The following CCDC192 variants were observed in gnomAD, a reference collection of about 807,000 sequenced individuals.
The protein encoded by CCDC192 is coiled-coil domain-containing protein 192.
At chr5:127,789,614 T>C (rs558008986) in intron 3 of CCDC192, among the ~76,000 whole-genome samples, 1 of 152,342 alleles carries the variant, frequency 6.6e-6, no homozygotes, top group South Asian at 2.1e-4. Context: ...GAGATTGGTA[T>C]GGGTGTGAAA....
At chr5:127,833,985 T>C (rs1290525701) in intron 5 of CCDC192, among the ~76,000 whole-genome samples, 3 of 152,100 alleles carry the variant, frequency 2.0e-5, no homozygotes, top group Admixed American at 6.6e-5. Flanking sequence ...TCCCAAAATA[T>C]GCCACTTTGA....
At chr5:127,748,616 T>A (rs1753928599) in intron 2 of CCDC192, among the ~76,000 whole-genome samples, 3 of 146,548 alleles carry the variant, frequency 2.0e-5, no homozygotes, top group African/African-American at 7.4e-5. Context: ...CATATGAACT[T>A]TAAAGTAGTT....
At chr5:127,904,465 T>C (rs1006669956) in intron 6 of CCDC192, among the ~76,000 whole-genome samples, 6 of 151,466 alleles carry the variant, frequency 4.0e-5, no homozygotes, top group African/African-American at 1.5e-4. Context: ...TTAGAACTGC[T>C]CAGACTGAAA....
chr5:127,911,699 CTTTTT>C (rs10718531), intron 6 of CCDC192, among the ~76,000 whole-genome samples: 8 of 117,334 alleles, frequency 6.8e-5, no homozygotes, highest in Non-Finnish European at 1.2e-4. Flanking sequence ...CCTTATACCA[CTTTTT>C]TTTTTTTTTT....
chr5:127,937,273 C>T (rs1754212481), intron 6 of CCDC192, among the ~76,000 whole-genome samples: 1 of 152,050 alleles, frequency 6.6e-6, no homozygotes, highest in Non-Finnish European at 1.5e-5. Flanking sequence ...ATCTACTCTA[C>T]CCCTTTTCTG....
intron 6 of CCDC192, among the ~76,000 whole-genome samples, chr5:127,890,512 T>C (rs1309646946): frequency 6.6e-6 from 1 of 151,730 alleles, no homozygotes; most frequent in Non-Finnish European, 1.5e-5. Flanking sequence ...TCAAGTCCAC[T>C]GTTGCTTACC....
chr5:127,755,422 G>T (rs1481612272), intron 3 of CCDC192, among the ~76,000 whole-genome samples: 3 of 151,952 alleles, frequency 2.0e-5, no homozygotes, highest in Non-Finnish European at 4.4e-5. Context: ...ACCAAAAAAG[G>T]TGCATCCCTT....
intron 6 of CCDC192, among the ~76,000 whole-genome samples, chr5:127,930,472 T>C (rs1356175783): frequency 6.6e-6 from 1 of 152,238 alleles, no homozygotes; most frequent in African/African-American, 2.4e-5. Context: ...TGCTGGTCAC[T>C]GCATTCCATC....
intron 2 of CCDC192, among the ~76,000 whole-genome samples, chr5:127,714,054 AT>A (rs1330860747): frequency 6.6e-6 from 1 of 152,012 alleles, no homozygotes; most frequent in East Asian, 1.9e-4. Flanking sequence ...TATGAAATTG[AT>A]TTTTTTAGAT....
chr5:127,719,942 C>T (rs764071004), intron 2 of CCDC192, among the ~76,000 whole-genome samples: 1 of 152,032 alleles, frequency 6.6e-6, no homozygotes, highest in Non-Finnish European at 1.5e-5. Flanking sequence ...CATCTCCCAC[C>T]AGACTCTTCC....
rs115252078 is a variant in CCDC192 at position 127,804,987 on chromosome 5, G to C, written c.411+6825G>C. On this transcript the variant is annotated intron_variant, in intron 5 of 6. Coordinates refer to ENST00000514853, the MANE Select transcript of CCDC192 (RefSeq NM_001317938.2). ...GGATACCTCTCCAGCCTGATTCCTA[G>C]TGCAGTGCCGGGGATTGAGACATGG... Among the ~76,000 whole-genome samples the C allele has an allele frequency of 4.6e-3, 702 of 152,260 alleles. 1 individual carries two copies. Among genetic ancestry groups the C allele is most frequent in the African/African-American group, 0.016 (683 of 41,536 alleles).
chr5:127,770,641 C>G (rs1755495451), intron 3 of CCDC192, among the ~76,000 whole-genome samples: 1 of 152,134 alleles, frequency 6.6e-6, no homozygotes, highest in African/African-American at 2.4e-5. Context: ...ATTTTAGATG[C>G]TATATCATGA....
At chr5:127,821,317 G>T (rs528448001) in intron 5 of CCDC192, among the ~76,000 whole-genome samples, 1 of 152,316 alleles carries the variant, frequency 6.6e-6, no homozygotes, top group Non-Finnish European at 1.5e-5. Context: ...ACTGACAGAG[G>T]TTATGTTGTC....
intron 5 of CCDC192, among the ~76,000 whole-genome samples, chr5:127,836,218 G>T (rs1750027197): frequency 6.6e-6 from 1 of 152,190 alleles, no homozygotes; most frequent in South Asian, 2.1e-4. Flanking sequence ...GCTCCAAAAT[G>T]ATCTTCTTTG....
At chr5:127,749,826 C>G (rs1246191992) in intron 2 of CCDC192, among the ~76,000 whole-genome samples, 1 of 152,150 alleles carries the variant, frequency 6.6e-6, no homozygotes, top group Non-Finnish European at 1.5e-5. Flanking sequence ...TCAACTTCTT[C>G]CTGGTTTAGT....
intron 3 of CCDC192, among the ~76,000 whole-genome samples, chr5:127,766,691 G>GT (rs1435895249): frequency 6.9e-6 from 1 of 145,702 alleles, no homozygotes; most frequent in African/African-American, 2.5e-5. Context: ...GTCTCAGGTT[G>GT]TTTCCCTTAG....
chr5:127,804,446 T>C (rs919415327), intron 5 of CCDC192, among the ~76,000 whole-genome samples: 2 of 152,178 alleles, frequency 1.3e-5, no homozygotes, highest in Non-Finnish European at 2.9e-5. Context: ...AAAAAACAGT[T>C]GGAGCTGGTA....
At chr5:127,805,581 C>A (rs545211365) in intron 5 of CCDC192, among the ~76,000 whole-genome samples, 2 of 152,156 alleles carry the variant, frequency 1.3e-5, no homozygotes, top group Non-Finnish European at 2.9e-5. Flanking sequence ...TCTACCTGTG[C>A]CAATGAGGAA....
intron 1 of CCDC192, 80 bp from the exon 2 acceptor site, chr5:127,707,629 A>T (rs1415954661): frequency 2.5e-6 from 1 of 395,676 alleles, no homozygotes; most frequent in African/African-American, 2.1e-5. Flanking sequence ...TGATCTATTC[A>T]TTGTATGTGC....
Sources: gnomAD v4.1 joint callset for allele counts (sites outside exome capture counted in the v4.1 genomes callset) on GRCh38, gnomAD v4.1.1 for gene constraint, MANE v1.5 for transcripts, NCBI Gene and HGNC (gene_info 2026-07-23, HGNC 2026-07-21) for gene names.